Variants in STXBP5L observed in about 807,000 individuals in gnomAD.
STXBP5L encodes syntaxin-binding protein 5-like.
STXBP5L carries 65 observed loss-of-function variants against 144.5 expected under a neutral mutation model. That is an observed-to-expected ratio of 0.45 (90% CI 0.37 to 0.55). The LOEUF is 0.55. Ranked by LOEUF, STXBP5L falls within the 20% of genes least tolerant of loss-of-function variation. STXBP5L has a pLI of 0.00. For synonymous variants in STXBP5L, 505 were observed against 469.6 expected, an observed-to-expected ratio of 1.08 and a Z score of -0.97; for missense variants, 1,298 against 1,405.5, an observed-to-expected ratio of 0.92 and a Z score of 1.22.
intron 3 of STXBP5L, among the ~76,000 whole-genome samples, chr3:121,010,573 A>G (rs1944697546): frequency 1.3e-5 from 2 of 151,644 alleles, no homozygotes. Context: ...CACGGGGGTT[A>G]GGGGAACTGA....
intron 5 of STXBP5L, among the ~76,000 whole-genome samples, chr3:121,110,591 G>T (rs771936886): frequency 6.6e-6 from 1 of 152,146 alleles, no homozygotes; most frequent in Non-Finnish European, 1.5e-5. Flanking sequence ...TCTGCTGAGA[G>T]GTCTGCTGTT....
At chr3:121,013,115 G>A (rs900403360) in intron 3 of STXBP5L, among the ~76,000 whole-genome samples, 2 of 151,944 alleles carry the variant, frequency 1.3e-5, no homozygotes, top group African/African-American at 4.8e-5. Context: ...CACCTGGGTT[G>A]ATTCCATGTT....
chr3:121,237,382 C>A (rs2049515984), intron 12 of STXBP5L, among the ~76,000 whole-genome samples: 1 of 152,132 alleles, frequency 6.6e-6, no homozygotes. Flanking sequence ...GGAACAGTGA[C>A]CCAAAGGGGC....
At chr3:121,037,140 C>G (rs943403800) in intron 3 of STXBP5L, among the ~76,000 whole-genome samples, 1 of 151,742 alleles carries the variant, frequency 6.6e-6, no homozygotes, top group Non-Finnish European at 1.5e-5. Context: ...ACTATGTTGG[C>G]CAGGCTTGTC....
At chr3:121,405,344 C>T (rs887479730) in intron 22 of STXBP5L, among the ~76,000 whole-genome samples, 3 of 151,944 alleles carry the variant, frequency 2.0e-5, no homozygotes, top group African/African-American at 7.3e-5. Context: ...ATCTAATATC[C>T]CATATGATTA....
At chr3:120,991,780 G>A (rs1165730551) in intron 3 of STXBP5L, among the ~76,000 whole-genome samples, 1 of 151,330 alleles carries the variant, frequency 6.6e-6, no homozygotes, top group Non-Finnish European at 1.5e-5. Context: ...ATGGACACAG[G>A]GTGGCAAACA....
chr3:121,105,464 A>T (rs748201300), intron 5 of STXBP5L, among the ~76,000 whole-genome samples: 16 of 151,842 alleles, frequency 1.1e-4, no homozygotes, highest in Non-Finnish European at 2.4e-4. Context: ...AATGATCAAC[A>T]TCACTAATTA....
At chr3:121,381,153 G>T in intron 21 of STXBP5L, 140 bp from the exon 22 acceptor site, 1 of 808,510 alleles carries the variant, frequency 1.2e-6, no homozygotes, top group Non-Finnish European at 1.9e-6. Context: ...TGGTGAACTG[G>T]ATAAGCTCCC....
chr3:121,006,151 G>T (rs1440669024), intron 3 of STXBP5L, among the ~76,000 whole-genome samples: 1 of 152,134 alleles, frequency 6.6e-6, no homozygotes, highest in Non-Finnish European at 1.5e-5. Flanking sequence ...TGACAGTGGG[G>T]TGTTAAAGTC....
At chr3:121,213,606 C>T (rs889189421) in intron 10 of STXBP5L, among the ~76,000 whole-genome samples, 5 of 152,066 alleles carry the variant, frequency 3.3e-5, no homozygotes, top group African/African-American at 7.2e-5. Context: ...CTGTTGTGTT[C>T]GGTTTGCCAG....
chr3:121,289,438 C>A (rs528841905), intron 19 of STXBP5L, among the ~76,000 whole-genome samples: 2 of 152,054 alleles, frequency 1.3e-5, no homozygotes, highest in Non-Finnish European at 2.9e-5. Flanking sequence ...AGATAAACAA[C>A]AACACAATAA....
chr3:121,106,665 C>T (rs1325778236), intron 5 of STXBP5L, among the ~76,000 whole-genome samples: 3 of 152,066 alleles, frequency 2.0e-5, no homozygotes, highest in Non-Finnish European at 2.9e-5. Context: ...TGGGTTGATT[C>T]CATGTCTTTG....
chr3:121,411,005 T>A (rs1368848767), intron 23 of STXBP5L, among the ~76,000 whole-genome samples: 1 of 152,052 alleles, frequency 6.6e-6, no homozygotes, highest in Non-Finnish European at 1.5e-5. Flanking sequence ...TTTGACTGAA[T>A]CTGTCATGGA....
At position 121,240,407 on chromosome 3, in the gene STXBP5L, T is replaced by C. The variant is rs536906087; in HGVS notation, c.1333-33T>C. On this transcript the variant is annotated intron_variant, in intron 13 of 26. Transcript: ENST00000471454. ...TTTAAATTTCTAAGCCATTTAAACA[T>C]GTATATATATTCTTTCTGGATAATC... The C allele has an allele frequency of 3.7e-5, 59 of 1,591,824 alleles. No individual in the cohort carries two copies. In the South Asian group the frequency reaches 6.1e-4, roughly 17 times the overall value.
chr3:121,267,096 T>A (rs1371245493), intron 18 of STXBP5L, among the ~76,000 whole-genome samples: 1 of 152,162 alleles, frequency 6.6e-6, no homozygotes, highest in Non-Finnish European at 1.5e-5. Flanking sequence ...AGAGCCCGTA[T>A]AGTTAAGATA....
At chr3:121,121,749 C>T in intron 7 of STXBP5L, 45 bp downstream of exon 7, 2 of 1,431,954 alleles carry the variant, frequency 1.4e-6, no homozygotes, top group Non-Finnish European at 1.9e-6. Flanking sequence ...TTTCCTCATT[C>T]TTGAAAAAAG....
intron 18 of STXBP5L, among the ~76,000 whole-genome samples, chr3:121,273,311 T>C (rs1028144400): frequency 1.1e-4 from 17 of 152,008 alleles, no homozygotes; most frequent in African/African-American, 4.1e-4. Flanking sequence ...TTTTTTTTTT[T>C]CTTTTTGCGC....
intron 20 of STXBP5L, among the ~76,000 whole-genome samples, chr3:121,343,155 G>A (rs1325177939): frequency 3.3e-5 from 5 of 152,114 alleles, no homozygotes; most frequent in Non-Finnish European, 1.5e-5. Context: ...CTTTTGAGAA[G>A]TGTCTGTTCA....
chr3:121,098,862 T>G (rs1166889280), intron 5 of STXBP5L, among the ~76,000 whole-genome samples: 1 of 152,130 alleles, frequency 6.6e-6, no homozygotes, highest in Non-Finnish European at 1.5e-5. Flanking sequence ...TCCAAGGAAG[T>G]TATTGTGAAT....
Sources: allele counts gnomAD v4.1 joint callset (sites outside exome capture counted in the v4.1 genomes callset), GRCh38; gene constraint gnomAD v4.1.1; transcripts MANE v1.5; gene names NCBI Gene and HGNC (gene_info 2026-07-23, HGNC 2026-07-21).